The following KCNH7 variants were observed in gnomAD, a reference collection of about 807,000 sequenced individuals.
KCNH7 encodes the protein voltage-gated inwardly rectifying potassium channel KCNH7.
A neutral mutation model predicts 120.8 loss-of-function variants in KCNH7; 49 were observed. The observed-to-expected ratio is 0.41, with a 90% CI of 0.32 to 0.51. The LOEUF is 0.51. Ranked by LOEUF, KCNH7 falls within the 20% of genes least tolerant of loss-of-function variation. The pLI is 0.38. For missense variants in KCNH7, 1,097 were observed against 1,446.6 expected (o/e 0.76, Z 3.92); for synonymous variants, 547 against 516.1 (o/e 1.06, Z -0.81).
chr2:162,418,672 T>G (rs1301764476), intron 9 of KCNH7, among the ~76,000 whole-genome samples: 2 of 152,100 alleles, frequency 1.3e-5, no homozygotes, highest in Non-Finnish European at 2.9e-5. Flanking sequence ...TGGAGTAGGA[T>G]TAGACTGTAG....
At chr2:162,529,988 T>A (rs1691859689) in intron 3 of KCNH7, among the ~76,000 whole-genome samples, 1 of 151,950 alleles carries the variant, frequency 6.6e-6, no homozygotes, top group African/African-American at 2.4e-5. Flanking sequence ...ATTTGCTTCA[T>A]TTCAGGGGAC....
intron 2 of KCNH7, among the ~76,000 whole-genome samples, chr2:162,759,407 A>G (rs1419976377): frequency 6.6e-6 from 1 of 152,086 alleles, no homozygotes; most frequent in Non-Finnish European, 1.5e-5. Flanking sequence ...TGTCAGCAGA[A>G]AGGTCATCTT....
intron 2 of KCNH7, among the ~76,000 whole-genome samples, chr2:162,699,407 C>A (rs754290962): frequency 1.3e-5 from 2 of 152,032 alleles, no homozygotes; most frequent in Non-Finnish European, 2.9e-5. Context: ...CAGTTTTAAA[C>A]TTCATTACAT....
chr2:162,789,302 G>A (rs1319083246), intron 2 of KCNH7, among the ~76,000 whole-genome samples: 1 of 151,850 alleles, frequency 6.6e-6, no homozygotes. Flanking sequence ...AAATTAATAT[G>A]GCCATCATCA....
At chr2:162,721,246 G>T (rs1409648201) in intron 2 of KCNH7, among the ~76,000 whole-genome samples, 1 of 152,110 alleles carries the variant, frequency 6.6e-6, no homozygotes, top group African/African-American at 2.4e-5. Context: ...ATTTTAAAAT[G>T]ACTTTAATTT....
chr2:162,559,054 C>CAAAA lies in KCNH7; in HGVS notation c.308-21978_308-21975dup, dbSNP rs780823559. Reference sequence around the variant, plus strand: ...TGGGCAACAGAGCAAGACTCTGCCTCAAAAAAAAAAAAAAAAAAAAAAGCA... The same window carrying CAAAA: ...TGGGCAACAGAGCAAGACTCTGCCTCAAAAAAAAAAAAAAAAAAAAAAAAAAGCA... On this transcript the variant is annotated intron_variant, in intron 2 of 15. Transcript: ENST00000332142. Among the ~76,000 whole-genome samples, 156 of 37,100 alleles carry CAAAA rather than the reference C, an allele frequency of 4.2e-3. 5 individuals carry two copies. The highest frequency in any genetic ancestry group is 0.016 in the African/African-American group (149 of 9,476). The allele number at this position is 37,100 out of a possible 152,430, so 24.3% of individuals were successfully genotyped here. A position where few individuals can be genotyped will look rare whatever the true frequency, so the allele number is the denominator to read the frequency against.
chr2:162,429,381 G>GTGTTTTTTTTTTTTTTTTTTTTT (rs1158431426), intron 8 of KCNH7, among the ~76,000 whole-genome samples: 1 of 43,426 alleles, frequency 2.3e-5, no homozygotes, highest in African/African-American at 1.4e-4. Flanking sequence ...TGAGGAAAAA[G>GTGTTTTTTTTTTTTTTTTTTTTT]TCTTTTTTTT....
At chr2:162,506,609 C>T (rs1393644341) in intron 5 of KCNH7, among the ~76,000 whole-genome samples, 1 of 151,672 alleles carries the variant, frequency 6.6e-6, no homozygotes, top group African/African-American at 2.4e-5. Context: ...GCTCATCTTT[C>T]CACTCTCTTT....
chr2:162,786,522 A>C (rs1294813063), intron 2 of KCNH7, among the ~76,000 whole-genome samples: 1 of 152,202 alleles, frequency 6.6e-6, no homozygotes, highest in Admixed American at 6.5e-5. Flanking sequence ...AACAAATTTT[A>C]AAATGCATAT....
At chr2:162,492,865 GTTTTTTTTTTTTTTTTT>G (rs67006443) in intron 6 of KCNH7, among the ~76,000 whole-genome samples, 2 of 57,180 alleles carry the variant, frequency 3.5e-5, no homozygotes, top group African/African-American at 5.7e-5. Context: ...CTTGGATCTT[GTTTTTTTTTTTTTTTTT>G]TTTTTTTTTT....
rs559123716 is a variant in KCNH7, at chr2:162,780,733, C to T, written c.307+55804G>A. Among the ~76,000 whole-genome samples the T allele has an allele frequency of 2.6e-5, 4 of 152,148 alleles. No homozygotes were observed. In the South Asian group the frequency reaches 6.2e-4, roughly 24 times the overall value. On this transcript the variant is annotated intron_variant, in intron 2 of 15. Transcript: ENST00000332142. ...AAAATGTGTTAGAGTTCCAAACAAT[C>T]GACTCAACAACTTTTAGGATAGAAT... is the stretch of plus-strand genomic sequence containing the variant.
At position 162,435,436 on chromosome 2, in the gene KCNH7, C is replaced by T. The variant is rs779191013; in HGVS notation, c.1716G>A (p.Ala572=). ...GGTAAGGCCTTTCTACATTCCCAAT[C>T]GCATACCAAATGCAAGCCAGCCAGT... ...IAHWLACIWY[A]IGNVERPYLT... The change falls in exon 8 of 16, where the codon GCG becomes GCA. Residue 572 remains alanine, a synonymous_variant. Transcript: ENST00000332142. 1.9e-6 allele frequency: 3 copies of T among 1,613,804 alleles called. No homozygotes were observed. Among genetic ancestry groups the T allele is most frequent in the East Asian group, 2.2e-5 (1 of 44,864 alleles).
intron 2 of KCNH7, among the ~76,000 whole-genome samples, chr2:162,618,169 T>C (rs529197068): frequency 6.6e-6 from 1 of 152,116 alleles, no homozygotes; most frequent in Admixed American, 6.5e-5. Context: ...TGCATAATAA[T>C]AGTAAAATGA....
At chr2:162,694,477 A>AGTGTGTGTGTGTGTGTGTGT (rs71009366) in intron 2 of KCNH7, among the ~76,000 whole-genome samples, 6 of 146,302 alleles carry the variant, frequency 4.1e-5, no homozygotes, top group African/African-American at 1.5e-4. Flanking sequence ...TGTGTGAAAG[A>AGTGTGTGTGTGTGTGTGTGT]GTGTGTGTGT....
Position 162,518,268 on chromosome 2 carries a change from TC to T in KCNH7, c.464-111del, listed in dbSNP as rs908511031. ...AACACCATGTAAAAATAATTTTGAA[TC>T]AATGGTTATAGTTGGAATAGAGGAT... On this transcript the variant is annotated intron_variant, in intron 3 of 15. Transcript: ENST00000332142. 14 of 797,474 alleles carry T rather than the reference TC, an allele frequency of 1.8e-5. No individual in the cohort carries two copies. In the African/African-American group the frequency reaches 2.3e-4, roughly 13 times the overall value. 49.4% of individuals were successfully genotyped at this position (797,474 alleles called of 1,614,324 possible).
At chr2:162,499,445 C>G (rs775833739) in intron 6 of KCNH7, among the ~76,000 whole-genome samples, 22 of 151,984 alleles carry the variant, frequency 1.4e-4, no homozygotes, top group Admixed American at 2.6e-4. Flanking sequence ...CCTTTACTGG[C>G]TGGACTGTAG....
intron 12 of KCNH7, among the ~76,000 whole-genome samples, chr2:162,390,304 T>C (rs1686707875): frequency 6.6e-6 from 1 of 150,544 alleles, no homozygotes; most frequent in South Asian, 2.1e-4. Context: ...AAATTATGTA[T>C]ATACATATGT....
intron 2 of KCNH7, among the ~76,000 whole-genome samples, chr2:162,728,616 T>C (rs1381633265): frequency 1.3e-5 from 2 of 152,078 alleles, no homozygotes; most frequent in Non-Finnish European, 2.9e-5. Context: ...CTGTCTCTAC[T>C]AAAACTACAA....
intron 2 of KCNH7, among the ~76,000 whole-genome samples, chr2:162,809,400 A>G (rs1464286122): frequency 2.0e-5 from 3 of 152,200 alleles, no homozygotes; most frequent in Admixed American, 6.5e-5. Context: ...TGCAACACTA[A>G]TAAATATCAG....
Sources: allele counts gnomAD v4.1 joint callset (sites outside exome capture counted in the v4.1 genomes callset), GRCh38; gene constraint gnomAD v4.1.1; transcripts MANE v1.5; gene names NCBI Gene and HGNC (gene_info 2026-07-23, HGNC 2026-07-21).